Variants in HMCN1 observed in about 807,000 individuals in gnomAD.
HMCN1 encodes the protein hemicentin-1.
HMCN1 carries 321 observed loss-of-function variants against 625.9 expected under a neutral mutation model. The observed-to-expected ratio is 0.51, with a 90% CI of 0.47 to 0.56. The LOEUF is 0.56. Ranked by LOEUF, HMCN1 falls within the 20% of genes least tolerant of loss-of-function variation. The probability of loss-of-function intolerance (pLI) is 0.00; values close to 1 mark genes in which losing one functional copy is unlikely to be tolerated. For missense variants in HMCN1, 6,588 were observed against 6,887.3 expected, an observed-to-expected ratio of 0.96 and a Z score of 1.54; for synonymous variants, 2,425 against 2,417.6, an observed-to-expected ratio of 1.00 and a Z score of -0.09.
intron 71 of HMCN1, among the ~76,000 whole-genome samples, chr1:186,111,922 T>C (rs771769275): frequency 3.3e-5 from 5 of 152,290 alleles, no homozygotes; most frequent in Middle Eastern, 3.4e-3. Context: ...GGGACCAAGC[T>C]CATACGGTAG....
chr1:185,778,831 C>T (rs1190441731), intron 1 of HMCN1, among the ~76,000 whole-genome samples: 1 of 152,066 alleles, frequency 6.6e-6, no homozygotes, highest in Non-Finnish European at 1.5e-5. Context: ...TTTATAGCAG[C>T]ATGATTTATA....
Position 186,120,274 on chromosome 1 carries a change from C to G in HMCN1, c.12229+129C>G, listed in dbSNP as rs149860927. 2,983 of 1,049,852 alleles carry G rather than the reference C, an allele frequency of 2.8e-3. 10 individuals carry two copies. Among genetic ancestry groups the G allele is most frequent in the Non-Finnish European group, 3.7e-3 (2,687 of 725,856 alleles). 65.0% of individuals were successfully genotyped at this position (1,049,852 alleles called of 1,614,324 possible). The stretch of plus-strand genomic sequence containing the variant: ...TCTCGACATTCTTAGTTTGCATTAT[C>G]CTATTGGTTTTTCTATCACTTTTAT... On this transcript the variant is annotated intron_variant, in intron 80 of 106. Coordinates refer to ENST00000271588, the MANE Select transcript of HMCN1 (RefSeq NM_031935.3).
In HMCN1 at chr1:185,924,407, A is replaced by G. The variant is rs1032779927; in HGVS notation, c.1286-640A>G. On this transcript the variant is annotated intron_variant, in intron 8 of 106. Transcript: ENST00000271588. ...CACCTCGCCCAGCTAATGGACTGAT[A>G]AAGATACAGAATTGTTTATAAAATT... is the stretch of plus-strand genomic sequence containing the variant. Among the ~76,000 whole-genome samples the G allele has an allele frequency of 4.0e-5, 6 of 151,598 alleles. No homozygotes were observed. The East Asian group carries it at 1.2e-3, about 29-fold the overall frequency.
chr1:185,864,222 T>A (rs1663041639), intron 2 of HMCN1, among the ~76,000 whole-genome samples: 1 of 152,192 alleles, frequency 6.6e-6, no homozygotes, highest in Admixed American at 6.5e-5. Flanking sequence ...AATAGACATT[T>A]AATTTTATAA....
chr1:185,794,492 AAAAAAAAAG>A lies in HMCN1; in HGVS notation c.269-51523_269-51515del, dbSNP rs1450521076. 3.1e-3 allele frequency among the ~76,000 whole-genome samples: 465 copies of A among 150,372 alleles called. 1 individual carries two copies. Among genetic ancestry groups the A allele is most frequent in the African/African-American group, 0.011 (447 of 40,608 alleles). ...TTGGAGTCCAAAAAAGAAAAAAAAGAAAAAAAAAGAAAAAAAAGAGAACTTGGAGTTTGA... is the reference window on the plus strand; with the variant it reads ...TTGGAGTCCAAAAAAGAAAAAAAAGAAAAAAAAAGAGAACTTGGAGTTTGA... On this transcript the variant is annotated intron_variant, in intron 1 of 106. Coordinates refer to ENST00000271588, the MANE Select transcript of HMCN1 (RefSeq NM_031935.3).
rs1661731832 is a variant in HMCN1 at position 186,128,001 on chromosome 1, A to G, written c.12691-77A>G. 30 of 1,217,442 alleles carry G rather than the reference A, an allele frequency of 2.5e-5. No individual in the cohort carries two copies. The South Asian group carries it at 3.8e-4, about 15-fold the overall frequency. The allele number at this position is 1,217,442 out of a possible 1,614,324, so 75.4% of individuals were successfully genotyped here. On this transcript the variant is annotated intron_variant, in intron 82 of 106. Transcript: ENST00000271588. ...GGATAAGAGAGTTTCTTGAGGGCCT[A>G]GCTATGCAATTTGATGTATTTTATG... is the stretch of plus-strand genomic sequence containing the variant.
chr1:185,807,774 GATA>G (rs1557984868), intron 1 of HMCN1, among the ~76,000 whole-genome samples: 1 of 152,056 alleles, frequency 6.6e-6, no homozygotes, highest in African/African-American at 2.4e-5. Context: ...AGTCTTTTAT[GATA>G]ATACTTTTTT....
intron 50 of HMCN1, 23 bp from the exon 51 acceptor site, chr1:186,069,640 T>C (rs1329638704): frequency 6.6e-7 from 1 of 1,507,750 alleles, no homozygotes; most frequent in African/African-American, 1.4e-5. Context: ...TTAGAGACTC[T>C]TTGATGTCCC....
At chr1:185,981,167 C>A (rs942693406) in intron 17 of HMCN1, 94 bp downstream of exon 17, 4 of 804,922 alleles carry the variant, frequency 5.0e-6, no homozygotes, top group Admixed American at 1.8e-5. Context: ...TAAAAAAAAA[C>A]AAAAGATAAA....
intron 28 of HMCN1, among the ~76,000 whole-genome samples, chr1:186,002,576 T>C (rs1558133340): frequency 6.6e-6 from 1 of 152,148 alleles, no homozygotes; most frequent in Non-Finnish European, 1.5e-5. Flanking sequence ...ATCATTGTTA[T>C]CATGAGTCTT....
chr1:185,851,251 T>G (rs79614125), intron 2 of HMCN1, among the ~76,000 whole-genome samples: 3,323 of 152,242 alleles, frequency 0.022, 131 homozygotes, highest in African/African-American at 0.075. Flanking sequence ...CCTATTAAAC[T>G]AACTTGAACT....
intron 1 of HMCN1, among the ~76,000 whole-genome samples, chr1:185,772,300 C>A (rs1656297918): frequency 6.6e-6 from 1 of 152,106 alleles, no homozygotes; most frequent in South Asian, 2.1e-4. Context: ...TAAAAGATAA[C>A]TCTCAAAACT....
rs186984835 is a variant in HMCN1, at chr1:185,884,287, T to C, written c.621+18424T>C. 1.9e-3 allele frequency among the ~76,000 whole-genome samples: 295 copies of C among 152,024 alleles called. 1 individual carries two copies. In the Middle Eastern group the frequency reaches 0.027, roughly 14 times the overall value. On this transcript the variant is annotated intron_variant, in intron 4 of 106. Transcript: ENST00000271588. Reference sequence around the variant, plus strand: ...TAATTTTTCCTTTGTAGAAAGTGGTTCTCTCTTAACCTCATGGGGCTTACC... The same window carrying C: ...TAATTTTTCCTTTGTAGAAAGTGGTCCTCTCTTAACCTCATGGGGCTTACC...
At chr1:185,795,309 T>G (rs893873508) in intron 1 of HMCN1, among the ~76,000 whole-genome samples, 7 of 152,200 alleles carry the variant, frequency 4.6e-5, no homozygotes, top group African/African-American at 1.4e-4. Flanking sequence ...ATGTACATTT[T>G]TATCTTGTTA....
chr1:186,123,178 G>A lies in HMCN1; in HGVS notation c.12457G>A (p.Val4153Ile). The A allele has an allele frequency of 6.2e-7, 1 of 1,614,024 alleles. No homozygotes were observed. The highest frequency in any genetic ancestry group is 8.5e-7 in the Non-Finnish European group (1 of 1,179,956). ...CCATTACACGTGCATGGCAGCCAAT[G>A]TAGCAGGATCAAGCAGCACAAGCAC... ...AGHYTCMAAN[V>I]AGSSSTSTKL... The change falls in exon 81 of 107, where the codon GTA (valine) becomes ATA (isoleucine). Residue 4153 changes from valine (V) to isoleucine (I), a missense_variant. Around this residue, in one of 3 missense-constraint regions of HMCN1, gnomAD observed 1,954 missense variants for 2,013.1 expected, o/e 0.97. Coordinates refer to ENST00000271588, the MANE Select transcript of HMCN1 (RefSeq NM_031935.3).
At chr1:186,022,952 A>G in intron 35 of HMCN1, 78 bp from the exon 36 acceptor site, 3 of 1,386,796 alleles carry the variant, frequency 2.2e-6, no homozygotes, top group Non-Finnish European at 3.1e-6. Flanking sequence ...AATTTAAATG[A>G]ATTTTTCTGT....
rs1558244090 is a variant in HMCN1, at chr1:186,128,062, C to T, written c.12691-16C>T. ...GATGATTATGAAATTTTAAATGTTACTTTTTTTAATTTTAGCTGGAGGATT... is the reference window on the plus strand; with the variant it reads ...GATGATTATGAAATTTTAAATGTTATTTTTTTTAATTTTAGCTGGAGGATT... On this transcript the variant is annotated splice_polypyrimidine_tract_variant and intron_variant, in intron 82 of 106. Transcript: ENST00000271588. The T allele has an allele frequency of 6.2e-7, 1 of 1,608,960 alleles. No individual in the cohort carries two copies. The highest frequency in any genetic ancestry group is 1.3e-5 in the African/African-American group (1 of 74,866).
At chr1:185,779,719 T>C (rs1321906231) in intron 1 of HMCN1, among the ~76,000 whole-genome samples, 1 of 152,248 alleles carries the variant, frequency 6.6e-6, no homozygotes, top group African/African-American at 2.4e-5. Flanking sequence ...TCTGTTTTGA[T>C]ACCAGTACCA....
chr1:186,004,904 T>C (rs1653450640), intron 29 of HMCN1, among the ~76,000 whole-genome samples: 1 of 152,082 alleles, frequency 6.6e-6, no homozygotes, highest in Non-Finnish European at 1.5e-5. Context: ...ATAATCATAT[T>C]ATGGAACACT....
Sources: allele counts gnomAD v4.1 joint callset (sites outside exome capture counted in the v4.1 genomes callset), GRCh38; gene constraint gnomAD v4.1.1; regional missense constraint gnomAD v4.1.1; transcripts MANE v1.5; gene names NCBI Gene and HGNC (gene_info 2026-07-23, HGNC 2026-07-21).